The following NME3 variants were observed in gnomAD, a reference collection of about 807,000 sequenced individuals.
NME3 encodes NME/NM23 nucleoside diphosphate kinase 3, also known as nucleoside diphosphate kinase C.
Under a neutral mutation model 15.8 loss-of-function variants are expected in NME3, and 23 were observed. The ratio of observed to expected loss-of-function variants is 1.45; its 90% CI spans 1.05 to 2.06. NME3 has a LOEUF of 2.06. Ranked by LOEUF, NME3 falls within the 30% of genes most tolerant of loss-of-function variation. NME3 has a pLI of 0.00. For synonymous variants in NME3, 157 were observed against 104.4 expected (o/e 1.50, Z -3.07); for missense variants, 354 against 243.2 (o/e 1.46, Z -3.03).
intron 3 of NME3, 32 bp from the exon 4 acceptor site, chr16:1,771,025 G>A (rs751180765): frequency 1.3e-6 from 2 of 1,594,754 alleles, no homozygotes; most frequent in Non-Finnish European, 8.6e-7. Context: ...GTATCACGCG[G>A]GGGTGGGGGT....
chr16:1,770,919 G>A lies in NME3; in HGVS notation c.354C>T (p.Pro118=), dbSNP rs953685520. ...IGATNPADAP[P]GTIRGDFCIE... The stretch of plus-strand genomic sequence containing the variant: ...TGCAGAAATCCCCGCGGATGGTGCC[G>A]GGCGGGGCGTCGGCCGGGTTCGTGG... The change falls in exon 4 of 5, where the codon CCC becomes CCT. Residue 118 remains proline, a synonymous_variant. Coordinates refer to ENST00000219302, the MANE Select transcript of NME3 (RefSeq NM_002513.3). 1.2e-5 allele frequency: 19 copies of A among 1,588,142 alleles called. No homozygotes were observed. The highest frequency in any genetic ancestry group is 1.7e-6 in the Non-Finnish European group (2 of 1,163,894).
rs1218453277 is a variant in NME3 at position 1,770,791 on chromosome 16, C to A, written c.393-25G>T. On this transcript the variant is annotated intron_variant, in intron 4 of 4. Transcript: ENST00000219302. ...CCTGCGCGGAAGAGGCGCGTGTGAG[C>A]GTGGGAAAGAGACCTCCGGCACGGG... 8.2e-6 allele frequency: 13 copies of A among 1,594,340 alleles called. No homozygotes were observed. The Admixed American group carries it at 1.2e-4, about 15-fold the overall frequency.
In NME3 at chr16:1,771,322, G is replaced by T; in HGVS notation, c.135C>A (p.Phe45Leu). The T allele has an allele frequency of 6.2e-7, 1 of 1,604,444 alleles. No homozygotes were observed. Among genetic ancestry groups the T allele is most frequent in the African/African-American group, 1.3e-5 (1 of 74,782 alleles). Residue 45 changes from phenylalanine to leucine, a missense_variant, in exon 2 of 5, where the codon TTC becomes TTA. By Grantham distance (22) the Phe-to-Leu change is conservative. Coordinates refer to ENST00000219302, the MANE Select transcript of NME3 (RefSeq NM_002513.3). ...RRLVGEIVRRFERKGFKLVAL... is the reference protein window; with the variant it reads ...RRLVGEIVRRLERKGFKLVAL... ...CCACCAACTTGAAGCCCTTCCTCTC[G>T]AAGCGCCGCACAATCTCGCCCACCA... is the stretch of plus-strand genomic sequence containing the variant.
chr16:1,770,819 C>G lies in NME3; in HGVS notation c.393-53G>C. 4.4e-6 allele frequency: 7 copies of G among 1,579,122 alleles called. No homozygotes were observed. The South Asian group carries it at 8.0e-5, about 18-fold the overall frequency. On this transcript the variant is annotated intron_variant, in intron 4 of 4. Transcript: ENST00000219302. ...GGGAAAGAGACCTCCGGCACGGGTACCACGCAGGCTGAACAGGGGGAGGCC... is the reference window on the plus strand; with the variant it reads ...GGGAAAGAGACCTCCGGCACGGGTAGCACGCAGGCTGAACAGGGGGAGGCC...
rs547333625 is a variant in NME3 at position 1,770,976 on chromosome 16, G to C, written c.297C>G (p.Asp99Glu). 79 of 1,588,632 alleles carry C rather than the reference G, an allele frequency of 5.0e-5. No individual in the cohort carries two copies. In the African/African-American group the frequency reaches 9.4e-4, roughly 19 times the overall value. ...TGAGCGCCCGCGAGGTGCGCACCAC[G>C]TCCAGCCCCTGCCATACCTGTGCGG... ...PVVAMVWQGL[D>E]VVRTSRALIG... Residue 99 changes from aspartate (D) to glutamate (E), a missense_variant, in exon 4 of 5, where the codon GAC (aspartate) becomes GAG (glutamate). By Grantham distance (45) the Asp-to-Glu change is conservative (BLOSUM62 2). Coordinates refer to ENST00000219302, the MANE Select transcript of NME3 (RefSeq NM_002513.3).
rs749155950 is a variant in NME3 at position 1,771,159 on chromosome 16, G to A, written c.190C>T (p.Leu64=). 63 of 1,603,650 alleles carry A rather than the reference G, an allele frequency of 3.9e-5. No individual in the cohort carries two copies. The highest frequency in any genetic ancestry group is 4.9e-5 in the Non-Finnish European group (58 of 1,177,712). The part of the protein sequence containing the change: ...ALKLVQASEE[L]LREHYAELRE... ...AGCTCGGCGTAGTGCTCACGCAGCA[G>A]CTCCTCGGAGGCCTGCGGAAGGGTC... Residue 64 remains leucine (L), a synonymous_variant, in exon 3 of 5, where the codon CTG becomes TTG. Transcript: ENST00000219302.
rs1241633114 is a variant in NME3, at chr16:1,770,362, A to G, written c.*287T>C. Reference sequence around the variant, plus strand: ...AAATCGAAACGAAAACGAGGACTTTATTATAAAAAAACGTTGGACCACGTT... The same window carrying G: ...AAATCGAAACGAAAACGAGGACTTTGTTATAAAAAAACGTTGGACCACGTT... On this transcript the variant is annotated 3_prime_UTR_variant, in exon 5 of 5. Coordinates refer to ENST00000219302, the MANE Select transcript of NME3 (RefSeq NM_002513.3). The G allele has an allele frequency of 5.3e-6, 2 of 375,402 alleles. No individual in the cohort carries two copies. Among genetic ancestry groups the G allele is most frequent in the African/African-American group, 2.1e-5 (1 of 48,058 alleles). 23.3% of individuals were successfully genotyped at this position (375,402 alleles called of 1,614,324 possible). A position where few individuals can be genotyped will look rare whatever the true frequency, so the allele number is the denominator to read the frequency against.
rs200014489 is a variant in NME3, at chr16:1,771,145, G to A, written c.204C>T (p.His68=). The change falls in exon 3 of 5, where the codon CAC becomes CAT. Residue 68 remains histidine (H), a synonymous_variant. Coordinates refer to ENST00000219302, the MANE Select transcript of NME3 (RefSeq NM_002513.3). Reference sequence around the variant, plus strand: ...ACGGGCGTTCACGCAGCTCGGCGTAGTGCTCACGCAGCAGCTCCTCGGAGG... The same window carrying A: ...ACGGGCGTTCACGCAGCTCGGCGTAATGCTCACGCAGCAGCTCCTCGGAGG... ...VQASEELLRE[H]YAELRERPFY... 1.4e-3 allele frequency: 2,240 copies of A among 1,607,084 alleles called. 54 individuals are homozygous for A. The South Asian group carries it at 0.023, about 17-fold the overall frequency.
chr16:1,771,178 A>G lies in NME3; in HGVS notation c.178-7T>C, dbSNP rs763400485. 3 of 1,595,792 alleles carry G rather than the reference A, an allele frequency of 1.9e-6. No individual in the cohort carries two copies. The highest frequency in any genetic ancestry group is 1.7e-6 in the Non-Finnish European group (2 of 1,174,942). On this transcript the variant is annotated splice_polypyrimidine_tract_variant and splice_region_variant and intron_variant, in intron 2 of 4. Coordinates refer to ENST00000219302, the MANE Select transcript of NME3 (RefSeq NM_002513.3). ...GCAGCAGCTCCTCGGAGGCCTGCGG[A>G]AGGGTCAGGCCGCCTGCGCCCGCAC...
At position 1,770,398 on chromosome 16, in the gene NME3, C is replaced by G. The variant is rs188466907; in HGVS notation, c.*251G>C. The stretch of plus-strand genomic sequence containing the variant: ...ACGTTGGACCACGTTGGGCTGGGCA[C>G]CAGGACAGTGTCCTGGCACGTTTCC... On this transcript the variant is annotated 3_prime_UTR_variant, in exon 5 of 5. Transcript: ENST00000219302. 2.4e-6 allele frequency: 1 copy of G among 421,768 alleles called. No homozygotes were observed. The highest frequency in any genetic ancestry group is 2.0e-5 in the African/African-American group (1 of 48,900). 26.1% of individuals were successfully genotyped at this position (421,768 alleles called of 1,614,324 possible).
At position 1,770,498 on chromosome 16, in the gene NME3, G is replaced by A. The variant is rs1196415101; in HGVS notation, c.*151C>T. ...TACGCCAGGGATTGGAGAGGCCTGC[G>A]CCACCCTCCATGCAACGTCCAGACA... On this transcript the variant is annotated 3_prime_UTR_variant, in exon 5 of 5. Coordinates refer to ENST00000219302, the MANE Select transcript of NME3 (RefSeq NM_002513.3). 4 of 609,818 alleles carry A rather than the reference G, an allele frequency of 6.6e-6. No homozygotes were observed. The highest frequency in any genetic ancestry group is 3.4e-5 in the Admixed American group (1 of 29,048). The allele number at this position is 609,818 out of a possible 1,614,324, so 37.8% of individuals were successfully genotyped here.
chr16:1,771,528 A>G lies in NME3; in HGVS notation c.7T>C (p.Cys3Arg). The change falls in exon 1 of 5, where the codon TGC becomes CGC. Residue 3 changes from cysteine to arginine, a missense_variant. Transcript: ENST00000219302. ...TTAGCGAAGATGGTCAGCACCAGGC[A>G]GATCATGATGGCGGTGCGGGAGCGG... MI[C>R]LVLTIFANLF... is the part of the protein sequence containing the mutation. 8.5e-7 allele frequency: 1 copy of G among 1,178,342 alleles called. No homozygotes were observed. Among genetic ancestry groups the G allele is most frequent in the Non-Finnish European group, 1.1e-6 (1 of 919,258 alleles). The allele number at this position is 1,178,342 out of a possible 1,614,324, so 73.0% of individuals were successfully genotyped here.
chr16:1,770,828 C>G (rs1487798112), intron 4 of NME3, 53 bp downstream of exon 4: 2 of 1,576,862 alleles, frequency 1.3e-6, no homozygotes, highest in African/African-American at 2.7e-5. Flanking sequence ...ACCACGCAGG[C>G]TGAACAGGGG....
chr16:1,770,945 C>T lies in NME3; in HGVS notation c.328G>A (p.Ala110Thr), dbSNP rs1441436732. The stretch of plus-strand genomic sequence containing the variant: ...GGCGGGGCGTCGGCCGGGTTCGTGG[C>T]TCCGATGAGCGCCCGCGAGGTGCGC... ...VVRTSRALIGATNPADAPPGT... is the reference protein window; with the variant it reads ...VVRTSRALIGTTNPADAPPGT... The change falls in exon 4 of 5, where the codon GCC becomes ACC. Residue 110 changes from alanine to threonine, a missense_variant. By Grantham distance (58) the Ala-to-Thr change is moderately conservative. Transcript: ENST00000219302. The T allele has an allele frequency of 6.3e-7, 1 of 1,587,154 alleles. No individual in the cohort carries two copies. Among genetic ancestry groups the T allele is most frequent in the South Asian group, 1.1e-5 (1 of 89,296 alleles).
Position 1,770,874 on chromosome 16 carries a change from G to C in NME3, c.392+7C>G, listed in dbSNP as rs775882230. On this transcript the variant is annotated splice_region_variant and intron_variant, in intron 4 of 4. Coordinates refer to ENST00000219302, the MANE Select transcript of NME3 (RefSeq NM_002513.3). ...GGGGCTGGGACCGTCCCCGGGGCGG[G>C]CCTTACTTGCCAACCTCGATGCAGA... 1 of 1,568,884 alleles carries C rather than the reference G, an allele frequency of 6.4e-7. No individual in the cohort carries two copies. Among genetic ancestry groups the C allele is most frequent in the Non-Finnish European group, 8.7e-7 (1 of 1,153,056 alleles).
chr16:1,770,736 C>A lies in NME3; in HGVS notation c.423G>T (p.Glu141Asp). Residue 141 changes from glutamate to aspartate, a missense_variant, in exon 5 of 5, where the codon GAG (glutamate) becomes GAT (aspartate). Glu to Asp is a conservative substitution (Grantham distance 45). Coordinates refer to ENST00000219302, the MANE Select transcript of NME3 (RefSeq NM_002513.3). ...KNLIHGSDSV[E>D]SARREIALWF... The stretch of plus-strand genomic sequence containing the variant: ...AGAGAGCGATCTCGCGGCGGGCACT[C>A]TCCACCGAGTCGCTGCCGTGAATCA... 1.3e-6 allele frequency: 2 copies of A among 1,596,500 alleles called. No homozygotes were observed. Among genetic ancestry groups the A allele is most frequent in the Non-Finnish European group, 1.7e-6 (2 of 1,173,018 alleles).
In NME3 at chr16:1,771,289, C is replaced by G; in HGVS notation, c.168G>C (p.Lys56Asn). ...CTCACCGCGCCCCCACCTGCACCAG[C>G]TTCAGCGCCACCAACTTGAAGCCCT... ...ERKGFKLVAL[K>N]LVQASEELLR... Residue 56 changes from lysine to asparagine, a missense_variant, in exon 2 of 5, where the codon AAG becomes AAC. Lys to Asn is a moderately conservative substitution (Grantham distance 94). Transcript: ENST00000219302. 6.2e-7 allele frequency: 1 copy of G among 1,604,582 alleles called. No individual in the cohort carries two copies. The highest frequency in any genetic ancestry group is 2.2e-5 in the East Asian group (1 of 44,600).
rs371192760 is a variant in NME3, at chr16:1,770,891, C to T, written c.382G>A (p.Glu128Lys). 58 of 1,577,904 alleles carry T rather than the reference C, an allele frequency of 3.7e-5. No individual in the cohort carries two copies. Among genetic ancestry groups the T allele is most frequent in the Non-Finnish European group, 4.7e-5 (54 of 1,158,010 alleles). Reference sequence around the variant, plus strand: ...CGGGGCGGGCCTTACTTGCCAACCTCGATGCAGAAATCCCCGCGGATGGTG... The same window carrying T: ...CGGGGCGGGCCTTACTTGCCAACCTTGATGCAGAAATCCCCGCGGATGGTG... Reference protein sequence around the residue: ...PGTIRGDFCIEVGKNLIHGSD... With the variant: ...PGTIRGDFCIKVGKNLIHGSD... Residue 128 changes from glutamate to lysine, a missense_variant, in exon 4 of 5, where the codon GAG becomes AAG. By Grantham distance (56) the Glu-to-Lys change is moderately conservative (BLOSUM62 1). Transcript: ENST00000219302.
In NME3 at chr16:1,770,917, C is replaced by T; in HGVS notation, c.356G>A (p.Gly119Asp). ...GATGCAGAAATCCCCGCGGATGGTGCCGGGCGGGGCGTCGGCCGGGTTCGT... is the reference window on the plus strand; with the variant it reads ...GATGCAGAAATCCCCGCGGATGGTGTCGGGCGGGGCGTCGGCCGGGTTCGT... ...GATNPADAPPGTIRGDFCIEV... is the reference protein window; with the variant it reads ...GATNPADAPPDTIRGDFCIEV... The change falls in exon 4 of 5, where the codon GGC (glycine) becomes GAC (aspartate). Residue 119 changes from glycine to aspartate, a missense_variant. Gly to Asp is a moderately conservative substitution (Grantham distance 94). Transcript: ENST00000219302. 2 of 1,587,612 alleles carry T rather than the reference C, an allele frequency of 1.3e-6. No individual in the cohort carries two copies. The highest frequency in any genetic ancestry group is 8.6e-7 in the Non-Finnish European group (1 of 1,163,696).
Sources: allele counts gnomAD v4.1 joint callset, GRCh38; gene constraint gnomAD v4.1.1; transcripts MANE v1.5; gene names NCBI Gene and HGNC (gene_info 2026-07-23, HGNC 2026-07-21).